ELAVL2: variants seen among roughly 807,000 people sequenced by gnomAD.
ELAVL2 encodes the protein ELAV like RNA binding protein 2.
In ELAVL2, 4 loss-of-function variants were observed where a neutral mutation model predicts 34.6. That is an observed-to-expected ratio of 0.12 (90% CI 0.06 to 0.26). The LOEUF is 0.26. Ranked by LOEUF, ELAVL2 falls within the 10% of genes least tolerant of loss-of-function variation. The probability of loss-of-function intolerance (pLI) is 1.00; values close to 1 mark genes in which losing one functional copy is unlikely to be tolerated. For missense variants in ELAVL2, 432 were observed against 442.8 expected, an observed-to-expected ratio of 0.98 and a Z score of 0.22; for synonymous variants, 193 against 154.8, an observed-to-expected ratio of 1.25 and a Z score of -1.83.
chr9:23,717,699 T>G (rs1357699731), intron 3 of ELAVL2, among the ~76,000 whole-genome samples: 1 of 152,194 alleles, frequency 6.6e-6, no homozygotes, highest in East Asian at 1.9e-4. Context: ...TTCATTGTAT[T>G]CTGCACTTAC....
intron 5 of ELAVL2, 109 bp from the exon 6 acceptor site, chr9:23,693,595 A>C: frequency 1.6e-6 from 2 of 1,290,016 alleles, no homozygotes; most frequent in South Asian, 2.4e-5. Context: ...TACACTGATT[A>C]TATGTGAAGA....
intron 4 of ELAVL2, among the ~76,000 whole-genome samples, chr9:23,703,819 C>G (rs548021946): frequency 1.3e-5 from 2 of 152,320 alleles, no homozygotes; most frequent in South Asian, 4.1e-4. Context: ...CCTCACAAAT[C>G]TTCATGTGGC....
intron 1 of ELAVL2, among the ~76,000 whole-genome samples, chr9:23,818,129 T>C (rs761977626): frequency 6.6e-5 from 10 of 152,218 alleles, no homozygotes; most frequent in African/African-American, 1.2e-4. Flanking sequence ...TGAAGACTTC[T>C]ACACCTGTAA....
chr9:23,826,276 C>G (rs570744092), upstream of ELAVL2: 2 of 152,392 alleles, frequency 1.3e-5, no homozygotes, highest in Non-Finnish European at 2.9e-5. Context: ...ATTTATAGCA[C>G]CGTATCACCA....
chr9:23,770,931 G>C (rs891192001), intron 1 of ELAVL2, among the ~76,000 whole-genome samples: 2 of 152,204 alleles, frequency 1.3e-5, no homozygotes, highest in Non-Finnish European at 2.9e-5. Context: ...ATGACAAGGA[G>C]ATAACAGGGA....
At chr9:23,751,305 A>C (rs560224501) in intron 2 of ELAVL2, among the ~76,000 whole-genome samples, 1 of 152,216 alleles carries the variant, frequency 6.6e-6, no homozygotes, top group African/African-American at 2.4e-5. Context: ...GGATTTAACA[A>C]AAAAGGAAAA....
chr9:23,768,143 G>C (rs1328344222), intron 1 of ELAVL2, among the ~76,000 whole-genome samples: 1 of 152,172 alleles, frequency 6.6e-6, no homozygotes, highest in African/African-American at 2.4e-5. Context: ...CCTATCAAAT[G>C]AAGTGTAAAC....
Position 23,767,611 on chromosome 9 carries a change from C to A in ELAVL2, c.-15-5362G>T, listed in dbSNP as rs796431824. 1.8e-4 allele frequency among the ~76,000 whole-genome samples: 27 copies of A among 152,002 alleles called. 1 individual carries two copies. Among genetic ancestry groups the A allele is most frequent in the African/African-American group, 6.5e-4 (27 of 41,470 alleles). ...GCCTGGGCAACATGGTGAAACCCCA[C>A]CTCTACTAAAAATACAAAATATTAG... On this transcript the variant is annotated intron_variant, in intron 1 of 6. Coordinates refer to ENST00000397312, the MANE Select transcript of ELAVL2 (RefSeq NM_004432.5).
chr9:23,709,231 G>A (rs754415827), intron 3 of ELAVL2, among the ~76,000 whole-genome samples: 6 of 151,934 alleles, frequency 3.9e-5, no homozygotes, highest in East Asian at 1.9e-4. Context: ...CAAGGATATC[G>A]CTGTCATCAA....
At chr9:23,753,838 G>A (rs1371678926) in intron 2 of ELAVL2, among the ~76,000 whole-genome samples, 1 of 151,974 alleles carries the variant, frequency 6.6e-6, no homozygotes, top group Non-Finnish European at 1.5e-5. Context: ...ATTATAAAGG[G>A]GCAAATGTTA....
chr9:23,800,119 C>T (rs2061407255), intron 1 of ELAVL2, among the ~76,000 whole-genome samples: 1 of 152,146 alleles, frequency 6.6e-6, no homozygotes, highest in Admixed American at 6.5e-5. Flanking sequence ...AATCCCAATT[C>T]AAAAATGAGA....
At chr9:23,800,003 T>G (rs1328852560) in intron 1 of ELAVL2, among the ~76,000 whole-genome samples, 1 of 152,174 alleles carries the variant, frequency 6.6e-6, no homozygotes, top group Non-Finnish European at 1.5e-5. Flanking sequence ...TATGCAAGAT[T>G]TGAAGAGTAT....
At chr9:23,713,868 T>C (rs2041651499) in intron 3 of ELAVL2, among the ~76,000 whole-genome samples, 1 of 152,154 alleles carries the variant, frequency 6.6e-6, no homozygotes, top group African/African-American at 2.4e-5. Context: ...AGTAAAAACA[T>C]ATGGTATGGA....
At chr9:23,734,908 A>G (rs561549728) in intron 2 of ELAVL2, among the ~76,000 whole-genome samples, 1 of 152,114 alleles carries the variant, frequency 6.6e-6, no homozygotes, top group African/African-American at 2.4e-5. Context: ...GAAACCAAGC[A>G]TCACTTATCC....
the ELAVL2 span, among the ~76,000 whole-genome samples, chr9:23,840,934 G>C: frequency 6.6e-6 from 1 of 152,082 alleles, no homozygotes; most frequent in Non-Finnish European, 1.5e-5. Context: ...AAAACTATCA[G>C]AAAAATATAC....
At chr9:23,823,676 A>G (rs2065096518) in intron 1 of ELAVL2, among the ~76,000 whole-genome samples, 1 of 152,234 alleles carries the variant, frequency 6.6e-6, no homozygotes, top group Non-Finnish European at 1.5e-5. Flanking sequence ...CAAATCTTTC[A>G]GATGTCCCAT....
intron 1 of ELAVL2, among the ~76,000 whole-genome samples, chr9:23,801,267 A>C (rs565616759): frequency 6.6e-6 from 1 of 152,344 alleles, no homozygotes; most frequent in South Asian, 2.1e-4. Context: ...TAACATTTAA[A>C]ACTTAACTGC....
At chr9:23,721,848 T>C (rs1289240295) in intron 3 of ELAVL2, among the ~76,000 whole-genome samples, 1 of 152,238 alleles carries the variant, frequency 6.6e-6, no homozygotes, top group Non-Finnish European at 1.5e-5. Flanking sequence ...TAACACATAA[T>C]ATGTAATACA....
the ELAVL2 span, among the ~76,000 whole-genome samples, chr9:23,848,151 G>A: frequency 2.0e-5 from 3 of 152,028 alleles, no homozygotes; most frequent in East Asian, 5.8e-4. Flanking sequence ...TAAAACCCCA[G>A]GTAGTGTTAG....
Sources: allele counts gnomAD v4.1 joint callset (sites outside exome capture counted in the v4.1 genomes callset), GRCh38; gene constraint gnomAD v4.1.1; transcripts MANE v1.5; gene names NCBI Gene and HGNC (gene_info 2026-07-23, HGNC 2026-07-21).